The following KCNB2 variants were observed in gnomAD, a reference collection of about 807,000 sequenced individuals.
KCNB2 encodes the protein delayed rectifier potassium channel protein.
In KCNB2, 15 loss-of-function variants were observed where a neutral mutation model predicts 61.5. The observed-to-expected ratio is 0.24, with a 90% CI of 0.16 to 0.38. The LOEUF (loss-of-function observed/expected upper bound fraction) is 0.38. Ranked by LOEUF, KCNB2 falls within the 10% of genes least tolerant of loss-of-function variation. The pLI is 1.00. For synonymous variants in KCNB2, 457 were observed against 446.0 expected (o/e 1.02, Z -0.31); for missense variants, 828 against 1,125.2 (o/e 0.74, Z 3.78).
chr8:72,871,242 T>C (rs897286854), intron 2 of KCNB2, among the ~76,000 whole-genome samples: 4 of 152,084 alleles, frequency 2.6e-5, no homozygotes, highest in African/African-American at 4.8e-5. Flanking sequence ...ACCAAAGAAA[T>C]TGAAAAATTT....
chr8:72,717,245 A>G (rs1241177180), intron 2 of KCNB2, among the ~76,000 whole-genome samples: 3 of 152,232 alleles, frequency 2.0e-5, no homozygotes, highest in Non-Finnish European at 4.4e-5. Flanking sequence ...GCCCAAGGTA[A>G]TTTATAGATT....
chr8:72,572,874 T>C (rs772078011), intron 2 of KCNB2, among the ~76,000 whole-genome samples: 4 of 152,196 alleles, frequency 2.6e-5, no homozygotes, highest in Admixed American at 6.5e-5. Flanking sequence ...CCGCGTTTCC[T>C]GCCTGCATCT....
chr8:72,712,693 G>A (rs1404667054), intron 2 of KCNB2, among the ~76,000 whole-genome samples: 2 of 152,176 alleles, frequency 1.3e-5, no homozygotes, highest in African/African-American at 4.8e-5. Flanking sequence ...GAGCCAAGAT[G>A]GCCGGATAGG....
At chr8:72,561,798 TATATATGA>T in intron 1 of KCNB2, among the ~76,000 whole-genome samples, 4 of 128,254 alleles carry the variant, frequency 3.1e-5, no homozygotes, top group African/African-American at 1.2e-4. Flanking sequence ...TACATATATA[TATATATGA>T]ATGATAGTTT....
chr8:72,588,676 A>G (rs1480779050), intron 2 of KCNB2, among the ~76,000 whole-genome samples: 2 of 152,044 alleles, frequency 1.3e-5, no homozygotes, highest in African/African-American at 4.8e-5. Context: ...GGAAGATTGC[A>G]TGAGGCCAGG....
chr8:72,662,367 G>A (rs368073840), intron 2 of KCNB2, among the ~76,000 whole-genome samples: 20 of 152,172 alleles, frequency 1.3e-4, no homozygotes, highest in Middle Eastern at 3.2e-3. Context: ...ACCAGCACAG[G>A]CCTCAGTGGG....
chr8:72,838,933 A>G (rs920132351), intron 2 of KCNB2, among the ~76,000 whole-genome samples: 5 of 152,196 alleles, frequency 3.3e-5, no homozygotes, highest in Non-Finnish European at 5.9e-5. Context: ...TTTCTTTTCT[A>G]AAATAACATT....
intron 2 of KCNB2, among the ~76,000 whole-genome samples, chr8:72,678,788 G>A (rs1331991080): frequency 6.6e-6 from 1 of 152,188 alleles, no homozygotes; most frequent in East Asian, 1.9e-4. Flanking sequence ...CCAGGATTGG[G>A]CTTGATAAGG....
intron 2 of KCNB2, among the ~76,000 whole-genome samples, chr8:72,837,971 A>G (rs1356450449): frequency 2.0e-5 from 3 of 152,204 alleles, no homozygotes; most frequent in Admixed American, 1.3e-4. Context: ...TTATTTACAT[A>G]TTCATACTGG....
intron 2 of KCNB2, among the ~76,000 whole-genome samples, chr8:72,725,527 ATATATATATATATG>A (rs1421695109): frequency 0.038 from 3,472 of 90,618 alleles, 223 homozygotes; most frequent in African/African-American, 0.11. Context: ...ATATATATAT[ATATATATATATATG>A]TGTGTATATA....
At chr8:72,588,540 C>G (rs1374403365) in intron 2 of KCNB2, among the ~76,000 whole-genome samples, 1 of 152,006 alleles carries the variant, frequency 6.6e-6, no homozygotes, top group East Asian at 1.9e-4. Flanking sequence ...CGCCTGCCAG[C>G]TTTCTTGTAC....
intron 2 of KCNB2, among the ~76,000 whole-genome samples, chr8:72,911,037 T>A (rs1195242434): frequency 6.6e-6 from 1 of 151,416 alleles, no homozygotes; most frequent in Admixed American, 6.6e-5. Context: ...AATGTGTTTA[T>A]TCTGTTCTCA....
intron 2 of KCNB2, among the ~76,000 whole-genome samples, chr8:72,703,978 C>G (rs1807175958): frequency 6.6e-6 from 1 of 152,138 alleles, no homozygotes; most frequent in African/African-American, 2.4e-5. Context: ...AGATGAAGTT[C>G]ACAGAACTAG....
intron 2 of KCNB2, among the ~76,000 whole-genome samples, chr8:72,842,137 G>A (rs1187056906): frequency 6.6e-6 from 1 of 152,088 alleles, no homozygotes; most frequent in East Asian, 1.9e-4. Context: ...AGAGTTTTTA[G>A]CTTGAAGGGG....
At chr8:72,847,321 G>C (rs915462968) in intron 2 of KCNB2, among the ~76,000 whole-genome samples, 5 of 152,190 alleles carry the variant, frequency 3.3e-5, no homozygotes, top group Admixed American at 1.3e-4. Context: ...CCCAACTGGT[G>C]CCCTTTACAA....
chr8:72,909,711 T>C (rs1364681170), intron 2 of KCNB2, among the ~76,000 whole-genome samples: 1 of 151,792 alleles, frequency 6.6e-6, no homozygotes, highest in Non-Finnish European at 1.5e-5. Context: ...TGAAGAGTAA[T>C]GTGGAGGTAT....
chr8:72,738,653 C>T (rs2128994274), intron 2 of KCNB2, among the ~76,000 whole-genome samples: 1 of 152,310 alleles, frequency 6.6e-6, no homozygotes, highest in Admixed American at 6.5e-5. Flanking sequence ...GTCATCTCTA[C>T]TCCACTCCTT....
intron 2 of KCNB2, among the ~76,000 whole-genome samples, chr8:72,639,041 C>T (rs1340485648): frequency 6.6e-6 from 1 of 152,142 alleles, no homozygotes; most frequent in African/African-American, 2.4e-5. Context: ...TATAAAGCTC[C>T]CTCCTTCTAC....
chr8:72,717,905 A>G (rs1807473575), intron 2 of KCNB2, among the ~76,000 whole-genome samples: 1 of 152,194 alleles, frequency 6.6e-6, no homozygotes, highest in Non-Finnish European at 1.5e-5. Context: ...AATTTTTGCA[A>G]CCTCCTCATC....
Sources: gnomAD v4.1 joint callset for allele counts (sites outside exome capture counted in the v4.1 genomes callset) on GRCh38, gnomAD v4.1.1 for gene constraint, MANE v1.5 for transcripts, NCBI Gene and HGNC (gene_info 2026-07-23, HGNC 2026-07-21) for gene names.